The following NUBPL variants were observed in gnomAD, a reference collection of about 807,000 sequenced individuals.
The protein encoded by NUBPL is iron-sulfur cluster transfer protein NUBPL.
Under a neutral mutation model 45.7 loss-of-function variants are expected in NUBPL, and 31 were observed. The observed-to-expected ratio is 0.68, with a 90% CI of 0.51 to 0.92. The LOEUF (loss-of-function observed/expected upper bound fraction) is 0.92, where lower values mean the gene tolerates loss of function less well. Ranked by LOEUF, NUBPL falls within the 40% of genes least tolerant of loss-of-function variation. The pLI, the probability that NUBPL is intolerant of heterozygous loss-of-function variation, is 0.00. For missense variants in NUBPL, 401 were observed against 398.7 expected (o/e 1.01, Z -0.05); for synonymous variants, 144 against 140.9 (o/e 1.02, Z -0.15).
At chr14:31,843,104 A>G (rs947251305) in intron 8 of NUBPL, among the ~76,000 whole-genome samples, 1 of 152,074 alleles carries the variant, frequency 6.6e-6, no homozygotes, top group African/African-American at 2.4e-5. Context: ...CGTTCTCTGT[A>G]TTGTTCAACA....
intron 3 of NUBPL, among the ~76,000 whole-genome samples, chr14:31,572,026 A>G (rs928193057): frequency 6.6e-6 from 1 of 151,142 alleles, no homozygotes; most frequent in Admixed American, 6.7e-5. Flanking sequence ...TAGGTTAAGT[A>G]ATTTGCCTCA....
At chr14:31,838,174 G>A (rs1409242230) in intron 8 of NUBPL, among the ~76,000 whole-genome samples, 1 of 151,624 alleles carries the variant, frequency 6.6e-6, no homozygotes, top group Non-Finnish European at 1.5e-5. Context: ...TGGAATGGCT[G>A]GAATTCTCAT....
chr14:31,789,754 G>C (rs1288380582), intron 7 of NUBPL, among the ~76,000 whole-genome samples: 1 of 152,086 alleles, frequency 6.6e-6, no homozygotes, highest in African/African-American at 2.4e-5. Flanking sequence ...TATCAGTATA[G>C]CCTCATTAAT....
At chr14:31,767,051 A>G (rs966966307) in intron 6 of NUBPL, among the ~76,000 whole-genome samples, 1 of 152,166 alleles carries the variant, frequency 6.6e-6, no homozygotes, top group African/African-American at 2.4e-5. Flanking sequence ...TCCAAACAGA[A>G]GATAAAAGTG....
chr14:31,620,637 T>C (rs963276782), intron 4 of NUBPL, among the ~76,000 whole-genome samples: 1 of 152,194 alleles, frequency 6.6e-6, no homozygotes, highest in Non-Finnish European at 1.5e-5. Context: ...GATTCCTGCA[T>C]GTTTCTTCCT....
intron 3 of NUBPL, among the ~76,000 whole-genome samples, chr14:31,565,467 T>G (rs995270378): frequency 1.3e-5 from 2 of 152,338 alleles, no homozygotes; most frequent in Non-Finnish European, 2.9e-5. Flanking sequence ...TGCATTCCTT[T>G]CTGTTCCAGA....
chr14:31,858,574 A>T (rs1489507415), intron 10 of NUBPL, among the ~76,000 whole-genome samples: 1 of 152,134 alleles, frequency 6.6e-6, no homozygotes, highest in Non-Finnish European at 1.5e-5. Flanking sequence ...TAAAGAGTGT[A>T]ACAATGGAAC....
chr14:31,601,088 G>T (rs1364986696), intron 4 of NUBPL, among the ~76,000 whole-genome samples: 1 of 152,078 alleles, frequency 6.6e-6, no homozygotes, highest in Non-Finnish European at 1.5e-5. Context: ...ATTTCTGAGG[G>T]CTCTGTTCTG....
At chr14:31,810,337 C>T (rs1167653299) in intron 7 of NUBPL, among the ~76,000 whole-genome samples, 1 of 152,134 alleles carries the variant, frequency 6.6e-6, no homozygotes, top group Non-Finnish European at 1.5e-5. Context: ...ATAGGTAGCT[C>T]TTCTTGTTGA....
At chr14:31,774,029 T>C (rs1045979013) in intron 6 of NUBPL, among the ~76,000 whole-genome samples, 8 of 152,234 alleles carry the variant, frequency 5.3e-5, no homozygotes, top group Admixed American at 2.0e-4. Flanking sequence ...TTTTACTTCA[T>C]GATTTCTCTA....
chr14:31,680,152 G>A (rs1419628012), intron 6 of NUBPL, among the ~76,000 whole-genome samples: 1 of 152,036 alleles, frequency 6.6e-6, no homozygotes, highest in African/African-American at 2.4e-5. Flanking sequence ...TTAGTGTCTT[G>A]TGTGTACATT....
At chr14:31,811,923 C>G (rs1278913760) in intron 7 of NUBPL, among the ~76,000 whole-genome samples, 1 of 152,158 alleles carries the variant, frequency 6.6e-6, no homozygotes, top group Non-Finnish European at 1.5e-5. Flanking sequence ...CACTTCAGAC[C>G]CTGTTTTCCT....
At chr14:31,659,617 T>C (rs2036221206) in intron 4 of NUBPL, among the ~76,000 whole-genome samples, 1 of 152,196 alleles carries the variant, frequency 6.6e-6, no homozygotes, top group Non-Finnish European at 1.5e-5. Flanking sequence ...AGATACCAAG[T>C]TTATATCTGT....
rs190701343 is a variant in NUBPL, at chr14:31,565,086, T to C, written c.291+38T>C. On this transcript the variant is annotated intron_variant, in intron 3 of 10. Transcript: ENST00000281081. ...TAATAGAAATATTAATTTATTAAAATGTTTTTAAGGCAATGATAAAGAGCA... is the reference window on the plus strand; with the variant it reads ...TAATAGAAATATTAATTTATTAAAACGTTTTTAAGGCAATGATAAAGAGCA... The C allele has an allele frequency of 9.5e-6, 12 of 1,262,198 alleles. No homozygotes were observed. The East Asian group carries it at 2.9e-4, about 30-fold the overall frequency. 78.2% of individuals were successfully genotyped at this position (1,262,198 alleles called of 1,614,324 possible). A position where few individuals can be genotyped will look rare whatever the true frequency, so the allele number is the denominator to read the frequency against.
At chr14:31,789,703 A>G (rs2039344160) in intron 7 of NUBPL, among the ~76,000 whole-genome samples, 1 of 152,142 alleles carries the variant, frequency 6.6e-6, no homozygotes, top group Admixed American at 6.5e-5. Context: ...TCAAAAGTTT[A>G]GAATCTAAGT....
chr14:31,753,633 T>C (rs948647849), intron 6 of NUBPL, among the ~76,000 whole-genome samples: 3 of 152,152 alleles, frequency 2.0e-5, no homozygotes, highest in Admixed American at 1.3e-4. Flanking sequence ...AAAGGTGCTG[T>C]GCTAGTACAC....
intron 3 of NUBPL, among the ~76,000 whole-genome samples, chr14:31,579,777 C>T (rs1264738175): frequency 2.0e-5 from 3 of 152,196 alleles, no homozygotes; most frequent in African/African-American, 7.2e-5. Flanking sequence ...GGCAGTCCCT[C>T]CTGTTCCCTT....
At chr14:31,728,221 T>G (rs1410610535) in intron 6 of NUBPL, among the ~76,000 whole-genome samples, 1 of 152,096 alleles carries the variant, frequency 6.6e-6, no homozygotes, top group Non-Finnish European at 1.5e-5. Context: ...TGATATTTAT[T>G]TATTTCCCAT....
At chr14:31,723,668 G>T (rs1238871360) in intron 6 of NUBPL, among the ~76,000 whole-genome samples, 1 of 151,816 alleles carries the variant, frequency 6.6e-6, no homozygotes, top group African/African-American at 2.4e-5. Context: ...TCACCTCCCT[G>T]GTTTGCTATA....
Sources: allele counts gnomAD v4.1 joint callset (sites outside exome capture counted in the v4.1 genomes callset), GRCh38; gene constraint gnomAD v4.1.1; transcripts MANE v1.5; gene names NCBI Gene and HGNC (gene_info 2026-07-23, HGNC 2026-07-21).